Variants in GDF7 observed in about 807,000 individuals in gnomAD.
The protein encoded by GDF7 is growth differentiation factor 7.
In GDF7, 12 loss-of-function variants were observed where a neutral mutation model predicts 13.4. The observed-to-expected ratio is 0.90, with a 90% CI of 0.57 to 1.45. The LOEUF (loss-of-function observed/expected upper bound fraction) is 1.45, where lower values mean the gene tolerates loss of function less well. GDF7 is among the 40% of genes most tolerant of loss of function. The pLI is 0.00. For missense variants in GDF7, 651 were observed against 652.4 expected, an observed-to-expected ratio of 1.00 and a Z score of 0.02; for synonymous variants, 330 against 306.4, an observed-to-expected ratio of 1.08 and a Z score of -0.80.
chr2:20,674,379 G>A lies in GDF7; in HGVS notation c.*2954G>A, dbSNP rs1051594333. 16 of 152,236 alleles carry A rather than the reference G, an allele frequency of 1.1e-4. 1 individual carries two copies. The highest frequency in any genetic ancestry group is 3.9e-4 in the African/African-American group (16 of 41,458). The allele number at this position is 152,236 out of a possible 1,614,324, so 9.4% of individuals were successfully genotyped here. On this transcript the variant is annotated 3_prime_UTR_variant, in exon 2 of 2. Transcript: ENST00000272224. ...TAGGGAGAATTGTGCACTACTAGTT[G>A]ACATCACTTGAACCAGGATTTCCTG...
rs754252117 is a variant in GDF7, at chr2:20,670,791, C to G, written c.719C>G (p.Pro240Arg). Residue 240 changes from proline to arginine, a missense_variant, in exon 2 of 2, where the codon CCG becomes CGG. By Grantham distance (103) the Pro-to-Arg change is moderately radical (BLOSUM62 -2). Coordinates refer to ENST00000272224, the MANE Select transcript of GDF7 (RefSeq NM_182828.4). The stretch of plus-strand genomic sequence containing the variant: ...CTCTTGCTGCGCGCAGTGGCAGGCC[C>G]GGTGCCGAGCCCGTTGGCACTGCGG... Reference protein sequence around the residue: ...FCLLLRAVAGPVPSPLALRRL... With the variant: ...FCLLLRAVAGRVPSPLALRRL... 21 of 1,483,298 alleles carry G rather than the reference C, an allele frequency of 1.4e-5. No individual in the cohort carries two copies. Among genetic ancestry groups the G allele is most frequent in the Admixed American group, 2.2e-5 (1 of 46,050 alleles). The allele number at this position is 1,483,298 out of a possible 1,614,324, so 91.9% of individuals were successfully genotyped here.
chr2:20,670,780 A>G lies in GDF7; in HGVS notation c.708A>G (p.Ala236=). 1 of 1,489,858 alleles carries G rather than the reference A, an allele frequency of 6.7e-7. No individual in the cohort carries two copies. Among genetic ancestry groups the G allele is most frequent in the Non-Finnish European group, 8.9e-7 (1 of 1,126,254 alleles). The allele number at this position is 1,489,858 out of a possible 1,614,324, so 92.3% of individuals were successfully genotyped here. ...GCGCGTTCTGCCTCTTGCTGCGCGC[A>G]GTGGCAGGCCCGGTGCCGAGCCCGT... is the stretch of plus-strand genomic sequence containing the variant. ...PPRAFCLLLR[A]VAGPVPSPLA... The change falls in exon 2 of 2, where the codon GCA becomes GCG. Residue 236 remains alanine (A), a synonymous_variant. Transcript: ENST00000272224.
chr2:20,667,549 C>T lies in GDF7; in HGVS notation c.310C>T (p.Pro104Ser), dbSNP rs1278430746. The stretch of plus-strand genomic sequence containing the variant: ...TTACCGGAGCCTGGCCGGGAGGGCT[C>T]CGGCCGGGGCAGCCGCTGTCTCCGC... ...SLYRSLAGRA[P>S]AGAAAVSASG... is the part of the protein sequence containing the mutation. Residue 104 changes from proline (P) to serine (S), a missense_variant, in exon 1 of 2, where the codon CCG becomes TCG. This residue lies in a region of GDF7 where 487 missense variants were observed against 445.9 expected (regional missense o/e 1.09). Transcript: ENST00000272224. The surrounding 1 kb of genome is among the most constrained non-coding windows in gnomAD (Gnocchi z 6.4). 1.4e-6 allele frequency: 2 copies of T among 1,473,536 alleles called. No individual in the cohort carries two copies. Among genetic ancestry groups the T allele is most frequent in the Non-Finnish European group, 1.8e-6 (2 of 1,118,876 alleles). 91.3% of individuals were successfully genotyped at this position (1,473,536 alleles called of 1,614,324 possible). A position where few individuals can be genotyped will look rare whatever the true frequency, so the allele number is the denominator to read the frequency against.
At position 20,671,565 on chromosome 2, in the gene GDF7, ACT is replaced by A. The variant is rs1343129539; in HGVS notation, c.*142_*143del. ...CAGAGGAGGGAGAGCACACGTTCAC[ACT>A]CACACACACTCGTGCAGTCACGCAC... On this transcript the variant is annotated 3_prime_UTR_variant, in exon 2 of 2. Transcript: ENST00000272224. 5.2e-6 allele frequency: 4 copies of A among 775,654 alleles called. No individual in the cohort carries two copies. The African/African-American group carries it at 7.0e-5, about 14-fold the overall frequency. The allele number at this position is 775,654 out of a possible 1,614,324, so 48.0% of individuals were successfully genotyped here.
In GDF7 at chr2:20,667,171, C is replaced by A; in HGVS notation, c.-69C>A. Reference sequence around the variant, plus strand: ...TTCCCCCATTATTAAACACTATGTTCAAAAGGCGCCGGGGGACTTCCCGGA... The same window carrying A: ...TTCCCCCATTATTAAACACTATGTTAAAAAGGCGCCGGGGGACTTCCCGGA... On this transcript the variant is annotated 5_prime_UTR_variant, in exon 1 of 2. Transcript: ENST00000272224. This position sits in a 1 kb window ranked among gnomAD's most constrained non-coding sequence, Gnocchi z 6.4. 9.3e-7 allele frequency: 1 copy of A among 1,072,542 alleles called. No individual in the cohort carries two copies. The highest frequency in any genetic ancestry group is 3.9e-5 in the South Asian group (1 of 25,594). The allele number at this position is 1,072,542 out of a possible 1,614,324, so 66.4% of individuals were successfully genotyped here.
Position 20,670,694 on chromosome 2 carries a change from T to C in GDF7, c.622T>C (p.Trp208Arg). The change falls in exon 2 of 2, where the codon TGG becomes CGG. Residue 208 changes from tryptophan (W) to arginine (R), a missense_variant. Around this residue, in one of 4 missense-constraint regions of GDF7, gnomAD observed 487 missense variants for 445.9 expected, o/e 1.09. Transcript: ENST00000272224. ...RAAEPLVGQR[W>R]EAFDVADAMR... ...AGCTGAGCCCCTAGTCGGTCAGCGC[T>C]GGGAGGCGTTCGACGTGGCGGACGC... 1.3e-6 allele frequency: 2 copies of C among 1,488,612 alleles called. No individual in the cohort carries two copies. Among genetic ancestry groups the C allele is most frequent in the Non-Finnish European group, 8.9e-7 (1 of 1,124,232 alleles). 92.2% of individuals were successfully genotyped at this position (1,488,612 alleles called of 1,614,324 possible).
At position 20,667,627 on chromosome 2, in the gene GDF7, C is replaced by A. The variant is rs1281622198; in HGVS notation, c.388C>A (p.Gln130Lys). Residue 130 changes from glutamine to lysine, a missense_variant, in exon 1 of 2, where the codon CAA becomes AAA. Physicochemically the swap from Gln to Lys is moderately conservative, Grantham distance 53 (BLOSUM62 1). Coordinates refer to ENST00000272224, the MANE Select transcript of GDF7 (RefSeq NM_182828.4). This position sits in a 1 kb window ranked among gnomAD's most constrained non-coding sequence, Gnocchi z 6.4. ...TITGFTDQAT[Q>K]DESAAETGQS... is the part of the protein sequence containing the mutation. Reference sequence around the variant, plus strand: ...CACCGGCTTCACAGACCAGGCGACCCAAGGTACTTACGCCTCTTCTGTGCC... The same window carrying A: ...CACCGGCTTCACAGACCAGGCGACCAAAGGTACTTACGCCTCTTCTGTGCC... The A allele has an allele frequency of 6.7e-7, 1 of 1,493,810 alleles. No individual in the cohort carries two copies. The highest frequency in any genetic ancestry group is 8.9e-7 in the Non-Finnish European group (1 of 1,127,764). The allele number at this position is 1,493,810 out of a possible 1,614,324, so 92.5% of individuals were successfully genotyped here.
chr2:20,667,774 C>T lies in GDF7; in HGVS notation c.391+144C>T, dbSNP rs1481032597. ...GTGATAGAAAGAAACTTCGCCGAGG[C>T]CAACACTCTCCAGCCCGCTGCACCT... On this transcript the variant is annotated intron_variant, in intron 1 of 1. Coordinates refer to ENST00000272224, the MANE Select transcript of GDF7 (RefSeq NM_182828.4). The surrounding 1 kb of genome is among the most constrained non-coding windows in gnomAD (Gnocchi z 6.4). 2.2e-5 allele frequency: 12 copies of T among 533,586 alleles called. No homozygotes were observed. Among genetic ancestry groups the T allele is most frequent in the East Asian group, 1.4e-4 (4 of 27,708 alleles). 33.1% of individuals were successfully genotyped at this position (533,586 alleles called of 1,614,324 possible).
rs1421161876 is a variant in GDF7, at chr2:20,671,497, T to A, written c.*72T>A. 1.3e-6 allele frequency: 2 copies of A among 1,499,786 alleles called. No homozygotes were observed. The highest frequency in any genetic ancestry group is 1.8e-6 in the Non-Finnish European group (2 of 1,109,572). 92.9% of individuals were successfully genotyped at this position (1,499,786 alleles called of 1,614,324 possible). A position where few individuals can be genotyped will look rare whatever the true frequency, so the allele number is the denominator to read the frequency against. ...TGATGAGCAGCAGCGGGCCACCCTG[T>A]CACCGAGCGTGGGTGCATGTCCGAT... On this transcript the variant is annotated 3_prime_UTR_variant, in exon 2 of 2. Transcript: ENST00000272224.
Position 20,671,514 on chromosome 2 carries a change from A to G in GDF7, c.*89A>G, listed in dbSNP as rs1245193902. The G allele has an allele frequency of 6.6e-6, 9 of 1,373,884 alleles. No individual in the cohort carries two copies. Among genetic ancestry groups the G allele is most frequent in the Non-Finnish European group, 9.9e-7 (1 of 1,005,812 alleles). 85.1% of individuals were successfully genotyped at this position (1,373,884 alleles called of 1,614,324 possible). A position where few individuals can be genotyped will look rare whatever the true frequency, so the allele number is the denominator to read the frequency against. ...CCACCCTGTCACCGAGCGTGGGTGCATGTCCGATGTGACCCAGCACCCTCT... is the reference window on the plus strand; with the variant it reads ...CCACCCTGTCACCGAGCGTGGGTGCGTGTCCGATGTGACCCAGCACCCTCT... On this transcript the variant is annotated 3_prime_UTR_variant, in exon 2 of 2. Coordinates refer to ENST00000272224, the MANE Select transcript of GDF7 (RefSeq NM_182828.4).
At position 20,670,848 on chromosome 2, in the gene GDF7, G is replaced by A. The variant is rs770825747; in HGVS notation, c.776G>A (p.Gly259Asp). ...RLGFGWPGGG[G>D]SAAEERAVLV... ...GGCTTCGGCTGGCCGGGCGGAGGGG[G>A]CTCTGCGGCAGAGGAGCGCGCGGTG... is the stretch of plus-strand genomic sequence containing the variant. Residue 259 changes from glycine (G) to aspartate (D), a missense_variant, in exon 2 of 2, where the codon GGC (glycine) becomes GAC (aspartate). Physicochemically the swap from Gly to Asp is moderately conservative, Grantham distance 94. Around this residue, in one of 4 missense-constraint regions of GDF7, gnomAD observed 487 missense variants for 445.9 expected, o/e 1.09. Transcript: ENST00000272224. 3.1e-5 allele frequency: 46 copies of A among 1,499,582 alleles called. No homozygotes were observed. Among genetic ancestry groups the A allele is most frequent in the Non-Finnish European group, 3.9e-5 (44 of 1,131,208 alleles). The allele number at this position is 1,499,582 out of a possible 1,614,324, so 92.9% of individuals were successfully genotyped here. A position where few individuals can be genotyped will look rare whatever the true frequency, so the allele number is the denominator to read the frequency against.
chr2:20,667,275 G>C lies in GDF7; in HGVS notation c.36G>C (p.Trp12Cys). 1.6e-6 allele frequency: 2 copies of C among 1,234,836 alleles called. No homozygotes were observed. The highest frequency in any genetic ancestry group is 2.2e-5 in the South Asian group (1 of 46,400). 76.5% of individuals were successfully genotyped at this position (1,234,836 alleles called of 1,614,324 possible). ...DLSAAAALCL[W>C]LLSACRPRDG... ...GCGCCGCCGCCGCGCTGTGCCTTTG[G>C]CTGCTGAGCGCCTGCCGCCCCCGCG... is the stretch of plus-strand genomic sequence containing the variant. Residue 12 changes from tryptophan (W) to cysteine (C), a missense_variant, in exon 1 of 2, where the codon TGG becomes TGC. Coordinates refer to ENST00000272224, the MANE Select transcript of GDF7 (RefSeq NM_182828.4). This position sits in a 1 kb window ranked among gnomAD's most constrained non-coding sequence, Gnocchi z 6.4.
chr2:20,672,340 A>C lies in GDF7; in HGVS notation c.*915A>C, dbSNP rs1662144808. ...TTAGTGCAATGGCCCGGAATGGGGA[A>C]GGTGGGGCTGGGGGAGGGGAGCTAC... On this transcript the variant is annotated 3_prime_UTR_variant, in exon 2 of 2. Transcript: ENST00000272224. 6.6e-6 allele frequency: 1 copy of C among 151,240 alleles called. No individual in the cohort carries two copies. Among genetic ancestry groups the C allele is most frequent in the African/African-American group, 2.4e-5 (1 of 41,240 alleles). 9.4% of individuals were successfully genotyped at this position (151,240 alleles called of 1,614,324 possible). A position where few individuals can be genotyped will look rare whatever the true frequency, so the allele number is the denominator to read the frequency against.
In GDF7 at chr2:20,674,306, G is replaced by A. The variant is rs940142472; in HGVS notation, c.*2881G>A. On this transcript the variant is annotated 3_prime_UTR_variant, in exon 2 of 2. Transcript: ENST00000272224. ...AAGGCTGTCCCCTCAACCCCAACCT[G>A]AGGTCACCAAAGTCTCCCTCCTAAA... The A allele has an allele frequency of 2.6e-5, 4 of 152,202 alleles. No homozygotes were observed. In the East Asian group the frequency reaches 7.7e-4, roughly 29 times the overall value. 9.4% of individuals were successfully genotyped at this position (152,202 alleles called of 1,614,324 possible).
Position 20,671,032 on chromosome 2 carries a change from G to A in GDF7, c.960G>A (p.Arg320=), listed in dbSNP as rs771479381. The stretch of plus-strand genomic sequence containing the variant: ...CAGTCATTGGCGGCCGCAGACGGAG[G>A]AGGACGGCGTTGGCCGGGACGCGGA... ...PRAVIGGRRR[R]RTALAGTRTA... Residue 320 remains arginine, a synonymous_variant, in exon 2 of 2, where the codon AGG becomes AGA. Coordinates refer to ENST00000272224, the MANE Select transcript of GDF7 (RefSeq NM_182828.4). The A allele has an allele frequency of 5.2e-6, 8 of 1,525,794 alleles. No individual in the cohort carries two copies. Among genetic ancestry groups the A allele is most frequent in the Non-Finnish European group, 7.0e-6 (8 of 1,137,896 alleles). The allele number at this position is 1,525,794 out of a possible 1,614,324, so 94.5% of individuals were successfully genotyped here. A position where few individuals can be genotyped will look rare whatever the true frequency, so the allele number is the denominator to read the frequency against.
At position 20,671,132 on chromosome 2, in the gene GDF7, T is replaced by C; in HGVS notation, c.1060T>C (p.Leu354=). ...RGRSRCSRKP[L]HVDFKELGWD... is the part of the protein sequence containing the mutation. ...CCGGAGCCGCTGCAGCCGCAAGCCG[T>C]TGCACGTGGACTTCAAGGAGCTCGG... The change falls in exon 2 of 2, where the codon TTG becomes CTG. Residue 354 remains leucine, a synonymous_variant. Transcript: ENST00000272224. 6.2e-7 allele frequency: 1 copy of C among 1,610,306 alleles called. No individual in the cohort carries two copies. Among genetic ancestry groups the C allele is most frequent in the South Asian group, 1.1e-5 (1 of 90,838 alleles).
Position 20,670,736 on chromosome 2 carries a change from C to T in GDF7, c.664C>T (p.Arg222Cys), listed in dbSNP as rs1359444967. The T allele has an allele frequency of 1.8e-5, 27 of 1,484,502 alleles. No homozygotes were observed. Among genetic ancestry groups the T allele is most frequent in the Non-Finnish European group, 2.4e-5 (27 of 1,123,450 alleles). 92.0% of individuals were successfully genotyped at this position (1,484,502 alleles called of 1,614,324 possible). A position where few individuals can be genotyped will look rare whatever the true frequency, so the allele number is the denominator to read the frequency against. Residue 222 changes from arginine to cysteine, a missense_variant, in exon 2 of 2, where the codon CGT becomes TGT. This residue lies in a region of GDF7 where 487 missense variants were observed against 445.9 expected (regional missense o/e 1.09). Transcript: ENST00000272224. ...DVADAMRRHRREPRPPRAFCL... is the reference protein window; with the variant it reads ...DVADAMRRHRCEPRPPRAFCL... The stretch of plus-strand genomic sequence containing the variant: ...GGCGGACGCCATGAGGCGCCACCGT[C>T]GTGAACCGCGCCCCCCCCGCGCGTT...
chr2:20,670,797 C>G lies in GDF7; in HGVS notation c.725C>G (p.Pro242Arg), dbSNP rs1250660187. The G allele has an allele frequency of 7.4e-6, 11 of 1,484,604 alleles. No individual in the cohort carries two copies. The highest frequency in any genetic ancestry group is 3.9e-5 in the South Asian group (3 of 76,738). The allele number at this position is 1,484,604 out of a possible 1,614,324, so 92.0% of individuals were successfully genotyped here. Residue 242 changes from proline (P) to arginine (R), a missense_variant, in exon 2 of 2, where the codon CCG (proline) becomes CGG (arginine). Transcript: ENST00000272224. ...LLLRAVAGPV[P>R]SPLALRRLGF... is the part of the protein sequence containing the mutation. ...CTGCGCGCAGTGGCAGGCCCGGTGC[C>G]GAGCCCGTTGGCACTGCGGCGGCTG...
chr2:20,667,472 G>T lies in GDF7; in HGVS notation c.233G>T (p.Gly78Val), dbSNP rs772335010. ...PRARAARRAA[G>V]SGFRNGSVVP... The stretch of plus-strand genomic sequence containing the variant: ...GCCCGCGCCGCGCGCCGCGCCGCGG[G>T]CTCCGGCTTCAGGAACGGCTCGGTG... Residue 78 changes from glycine to valine, a missense_variant, in exon 1 of 2, where the codon GGC (glycine) becomes GTC (valine). By Grantham distance (109) the Gly-to-Val change is moderately radical (BLOSUM62 -3). Coordinates refer to ENST00000272224, the MANE Select transcript of GDF7 (RefSeq NM_182828.4). This position sits in a 1 kb window ranked among gnomAD's most constrained non-coding sequence, Gnocchi z 6.4. 11 of 1,251,090 alleles carry T rather than the reference G, an allele frequency of 8.8e-6. No homozygotes were observed. The East Asian group carries it at 1.9e-4, about 22-fold the overall frequency. 77.5% of individuals were successfully genotyped at this position (1,251,090 alleles called of 1,614,324 possible).
Sources: allele counts gnomAD v4.1 joint callset, GRCh38; gene constraint gnomAD v4.1.1; regional missense constraint gnomAD v4.1.1; non-coding constraint Gnocchi (gnomAD v3.1); transcripts MANE v1.5; gene names NCBI Gene and HGNC (gene_info 2026-07-23, HGNC 2026-07-21).